The following RYR3 variants were observed in gnomAD, a reference collection of about 807,000 sequenced individuals.
RYR3 encodes the protein brain ryanodine receptor-calcium release channel.
A neutral mutation model predicts 584.3 loss-of-function variants in RYR3; 207 were observed. The observed-to-expected ratio is 0.35, with a 90% CI of 0.32 to 0.40. The LOEUF is 0.40. Ranked by LOEUF, RYR3 falls within the 10% of genes least tolerant of loss-of-function variation. RYR3 has a pLI of 1.00. For synonymous variants in RYR3, 2,416 were observed against 2,248.5 expected (o/e 1.07, Z -2.11); for missense variants, 5,616 against 6,089.2 (o/e 0.92, Z 2.59).
chr15:33,794,010 AAT>A (rs2075337949), intron 67 of RYR3, among the ~76,000 whole-genome samples: 1 of 139,930 alleles, frequency 7.1e-6, no homozygotes, highest in African/African-American at 2.6e-5. Flanking sequence ...AATACACATA[AAT>A]ATATATTATA....
chr15:33,337,885 A>G (rs1452077452), intron 1 of RYR3, among the ~76,000 whole-genome samples: 1 of 150,424 alleles, frequency 6.6e-6, no homozygotes, highest in Non-Finnish European at 1.5e-5. Flanking sequence ...TACATTATAC[A>G]TATGTCAGTA....
intron 60 of RYR3, among the ~76,000 whole-genome samples, chr15:33,758,284 C>T (rs1048662506): frequency 1.3e-5 from 2 of 152,080 alleles, no homozygotes; most frequent in African/African-American, 2.4e-5. Flanking sequence ...GGAATACCAG[C>T]GAGACAGAAC....
chr15:33,838,774 T>C lies in RYR3; in HGVS notation c.12794T>C (p.Val4265Ala), dbSNP rs750160431. ...VMEPGITTELVHFIKGEKGDT... is the reference protein window; with the variant it reads ...VMEPGITTELAHFIKGEKGDT... ...GAGCCAGGTATCACCACTGAACTAG[T>C]ACACTTCATAAAGGGGGAGAAGGGA... is the stretch of plus-strand genomic sequence containing the variant. Residue 4265 changes from valine (V) to alanine (A), a missense_variant, in exon 89 of 104, where the codon GTA becomes GCA. By Grantham distance (64) the Val-to-Ala change is moderately conservative. Coordinates refer to ENST00000634891, the MANE Select transcript of RYR3 (RefSeq NM_001036.6). 6.2e-7 allele frequency: 1 copy of C among 1,613,834 alleles called. No homozygotes were observed. Among genetic ancestry groups the C allele is most frequent in the Admixed American group, 1.7e-5 (1 of 60,008 alleles).
chr15:33,530,571 T>G (rs773081396), intron 3 of RYR3, 21 bp from the exon 4 acceptor site: 2 of 1,591,228 alleles, frequency 1.3e-6, no homozygotes, highest in Non-Finnish European at 1.7e-6. Flanking sequence ...GTGCTGACCT[T>G]ATTCTTCCTC....
intron 3 of RYR3, among the ~76,000 whole-genome samples, chr15:33,508,282 T>C (rs538991742): frequency 6.6e-6 from 1 of 152,296 alleles, no homozygotes; most frequent in Admixed American, 6.5e-5. Flanking sequence ...ACTTTATCCA[T>C]GTCCAGAACA....
rs114824542 is a variant in RYR3, at chr15:33,590,349, C to T, written c.1788+4233C>T. Among the ~76,000 whole-genome samples the T allele has an allele frequency of 7.6e-3, 1,151 of 152,216 alleles. 13 individuals are homozygous for T. Among genetic ancestry groups the T allele is most frequent in the African/African-American group, 0.026 (1,087 of 41,530 alleles). Reference sequence around the variant, plus strand: ...CCTGAAGGTAATGTGGTGCCTCCAGCTTTGTTATTTTTGCTCAGGATTGTC... The same window carrying T: ...CCTGAAGGTAATGTGGTGCCTCCAGTTTTGTTATTTTTGCTCAGGATTGTC... On this transcript the variant is annotated intron_variant, in intron 16 of 103. Coordinates refer to ENST00000634891, the MANE Select transcript of RYR3 (RefSeq NM_001036.6).
chr15:33,552,827 G>C (rs570475221), intron 10 of RYR3, among the ~76,000 whole-genome samples: 5 of 152,238 alleles, frequency 3.3e-5, no homozygotes, highest in Admixed American at 1.3e-4. Flanking sequence ...GATTTTCCTG[G>C]GCTTCCATGT....
At chr15:33,859,531 G>C (rs2080111360) in intron 99 of RYR3, 44 bp from the exon 100 acceptor site, 1 of 1,608,946 alleles carries the variant, frequency 6.2e-7, no homozygotes, top group African/African-American at 1.3e-5. Context: ...GCTAAAAACA[G>C]AACTGTGACT....
chr15:33,685,894 T>A (rs892412994), intron 38 of RYR3, among the ~76,000 whole-genome samples: 1 of 152,152 alleles, frequency 6.6e-6, no homozygotes, highest in African/African-American at 2.4e-5. Context: ...TTGAAACCAA[T>A]GAGAACAAAG....
At chr15:33,482,885 C>G (rs141017944) in intron 2 of RYR3, among the ~76,000 whole-genome samples, 3 of 152,246 alleles carry the variant, frequency 2.0e-5, no homozygotes, top group Non-Finnish European at 4.4e-5. Context: ...CATATTTACT[C>G]TCTCCTGGGA....
At chr15:33,700,902 G>C in intron 41 of RYR3, 75 bp from the exon 42 acceptor site, 2 of 1,021,524 alleles carry the variant, frequency 2.0e-6, no homozygotes, top group Non-Finnish European at 3.0e-6. Context: ...GTCCGCTTAC[G>C]TGCACTGCAG....
intron 70 of RYR3, among the ~76,000 whole-genome samples, chr15:33,809,711 C>T (rs1435764341): frequency 6.6e-6 from 1 of 151,348 alleles, no homozygotes; most frequent in African/African-American, 2.4e-5. Flanking sequence ...TCTCGGCTCG[C>T]TGCAACCTCT....
At chr15:33,360,224 C>T (rs1233897975) in intron 1 of RYR3, among the ~76,000 whole-genome samples, 1 of 152,160 alleles carries the variant, frequency 6.6e-6, no homozygotes, top group Non-Finnish European at 1.5e-5. Flanking sequence ...ATCACTCTTA[C>T]AGTCGTGAGA....
At position 33,780,191 on chromosome 15, in the gene RYR3, A is replaced by G. The variant is rs776422765; in HGVS notation, c.9138-20A>G. The G allele has an allele frequency of 1.2e-6, 2 of 1,611,722 alleles. No homozygotes were observed. Among genetic ancestry groups the G allele is most frequent in the South Asian group, 2.2e-5 (2 of 90,652 alleles). On this transcript the variant is annotated intron_variant, in intron 64 of 103. Coordinates refer to ENST00000634891, the MANE Select transcript of RYR3 (RefSeq NM_001036.6). ...AGCATGTGGGGGGCCACACTTCTCA[A>G]TGGACTTCTTTGTTTCCAGGCAACG...
Position 33,755,070 on chromosome 15 carries a change from T to G in RYR3, c.8405T>G (p.Met2802Arg). The G allele has an allele frequency of 1.9e-6, 3 of 1,601,986 alleles. No homozygotes were observed. Among genetic ancestry groups the G allele is most frequent in the Non-Finnish European group, 2.6e-6 (3 of 1,169,686 alleles). ...TCTGTCCATGTCCAACGTAGGGGTATGAAGGATATGGAGCTGGATGCCTCC... is the reference window on the plus strand; with the variant it reads ...TCTGTCCATGTCCAACGTAGGGGTAGGAAGGATATGGAGCTGGATGCCTCC... ...QVNGIIVSRG[M>R]KDMELDASSM... Residue 2802 changes from methionine to arginine, a missense_variant, in exon 58 of 104, where the codon ATG becomes AGG. Transcript: ENST00000634891.
intron 43 of RYR3, among the ~76,000 whole-genome samples, chr15:33,721,213 A>T (rs1342172207): frequency 2.0e-5 from 3 of 152,182 alleles, no homozygotes; most frequent in Non-Finnish European, 4.4e-5. Flanking sequence ...CAACATGGTG[A>T]GAAACTGAGG....
Position 33,731,479 on chromosome 15 carries a change from C to T in RYR3, c.7209C>T (p.Ser2403=), listed in dbSNP as rs1405550458. 1 of 1,609,740 alleles carries T rather than the reference C, an allele frequency of 6.2e-7. No homozygotes were observed. The highest frequency in any genetic ancestry group is 8.5e-7 in the Non-Finnish European group (1 of 1,177,764). ...LRASASLDTV[S]LSTTEAALAL... The stretch of plus-strand genomic sequence containing the variant: ...TCCCAATCTTCTTTCTCTAGGTTTC[C>T]CTAAGCACCACAGAGGCTGCGCTTG... The change falls in exon 48 of 104, where the codon TCC becomes TCT. Residue 2403 remains serine (S), a synonymous_variant. Transcript: ENST00000634891.
At chr15:33,616,113 A>G (rs1369886975) in intron 19 of RYR3, among the ~76,000 whole-genome samples, 1 of 152,124 alleles carries the variant, frequency 6.6e-6, no homozygotes, top group Non-Finnish European at 1.5e-5. Flanking sequence ...ATGTCCACTC[A>G]TGGTTTTTTA....
chr15:33,476,889 G>A (rs2049433354), intron 2 of RYR3, among the ~76,000 whole-genome samples: 1 of 152,148 alleles, frequency 6.6e-6, no homozygotes, highest in Non-Finnish European at 1.5e-5. Flanking sequence ...ACCATTCCTG[G>A]GAGCAGTCTG....
Sources: gnomAD v4.1 joint callset for allele counts (sites outside exome capture counted in the v4.1 genomes callset) on GRCh38, gnomAD v4.1.1 for gene constraint, MANE v1.5 for transcripts, NCBI Gene and HGNC (gene_info 2026-07-23, HGNC 2026-07-21) for gene names.